The following PHACTR1 variants were observed in gnomAD, a reference collection of about 807,000 sequenced individuals.
The protein encoded by PHACTR1 is phosphatase and actin regulator 1, also known as RPEL repeat containing 1.
Under a neutral mutation model 69.2 loss-of-function variants are expected in PHACTR1, and 16 were observed. That is an observed-to-expected ratio of 0.23 (90% CI 0.16 to 0.35). The LOEUF is 0.35. PHACTR1 is among the 10% of genes least tolerant of loss of function. The probability of loss-of-function intolerance (pLI) is 1.00; values close to 1 mark genes in which losing one functional copy is unlikely to be tolerated. For missense variants in PHACTR1, 510 were observed against 734.7 expected, an observed-to-expected ratio of 0.69 and a Z score of 3.54; for synonymous variants, 312 against 284.5, an observed-to-expected ratio of 1.10 and a Z score of -0.97.
chr6:13,155,337 C>T (rs1292618963), intron 5 of PHACTR1, among the ~76,000 whole-genome samples: 2 of 152,168 alleles, frequency 1.3e-5, no homozygotes, highest in Non-Finnish European at 2.9e-5. Context: ...CCTGGGGATC[C>T]ACTATCTCAT....
intron 4 of PHACTR1, among the ~76,000 whole-genome samples, chr6:12,920,699 C>T (rs143559531): frequency 1.3e-5 from 2 of 152,240 alleles, no homozygotes; most frequent in South Asian, 2.1e-4. Context: ...TCAAAGTGCC[C>T]CTTTGAACAA....
intron 4 of PHACTR1, among the ~76,000 whole-genome samples, chr6:12,864,201 C>T (rs961574247): frequency 6.6e-6 from 1 of 152,200 alleles, no homozygotes; most frequent in East Asian, 1.9e-4. Flanking sequence ...GGTTCTCAAA[C>T]TTTTACTGCA....
intron 4 of PHACTR1, among the ~76,000 whole-genome samples, chr6:13,008,176 G>A (rs1002032630): frequency 1.3e-5 from 2 of 152,292 alleles, no homozygotes; most frequent in Admixed American, 6.5e-5. Context: ...TAAGGGAAAA[G>A]CTAAAGCCAA....
chr6:13,205,711 G>C (rs1021844353), intron 7 of PHACTR1, 104 bp from the exon 8 acceptor site: 1 of 1,114,698 alleles, frequency 9.0e-7, no homozygotes, highest in Non-Finnish European at 1.3e-6. Context: ...TACCTAAGAG[G>C]CTCAACTCAT....
chr6:13,255,015 G>C (rs559627955), intron 10 of PHACTR1, among the ~76,000 whole-genome samples: 2 of 152,308 alleles, frequency 1.3e-5, no homozygotes, highest in Admixed American at 6.5e-5. Flanking sequence ...AGAAATGCTT[G>C]AGACTGGGTA....
intron 4 of PHACTR1, among the ~76,000 whole-genome samples, chr6:12,791,335 C>G (rs1408357818): frequency 6.6e-6 from 1 of 152,104 alleles, no homozygotes; most frequent in Admixed American, 6.6e-5. Flanking sequence ...CTCCTATTTC[C>G]TGCCCTGGGA....
At position 13,086,083 on chromosome 6, in the gene PHACTR1, T is replaced by TAAAAAAA. The variant is rs776154642; in HGVS notation, c.415+32571_415+32577dup. Among the ~76,000 whole-genome samples, 306 of 60,020 alleles carry TAAAAAAA rather than the reference T, an allele frequency of 5.1e-3. 4 individuals are homozygous for TAAAAAAA. The highest frequency in any genetic ancestry group is 0.012 in the African/African-American group (142 of 11,844). The allele number at this position is 60,020 out of a possible 152,430, so 39.4% of individuals were successfully genotyped here. On this transcript the variant is annotated intron_variant, in intron 5 of 14. Transcript: ENST00000332995. ...TAAAAATAAAGAAGATACACATTTC[T>TAAAAAAA]AAAAAAAAAAAAAAAAAAAAAAAGC... is the stretch of plus-strand genomic sequence containing the variant.
chr6:13,031,095 A>C (rs1349484829), intron 4 of PHACTR1, among the ~76,000 whole-genome samples: 2 of 152,192 alleles, frequency 1.3e-5, no homozygotes, highest in Non-Finnish European at 2.9e-5. Context: ...AGAACCACTG[A>C]TGTAGATTGA....
At chr6:13,030,497 C>A (rs1442069501) in intron 4 of PHACTR1, among the ~76,000 whole-genome samples, 1 of 152,180 alleles carries the variant, frequency 6.6e-6, no homozygotes, top group Non-Finnish European at 1.5e-5. Context: ...GAGATTTTAG[C>A]ATTCAGTGTA....
At chr6:12,964,477 G>A (rs1472456403) in intron 4 of PHACTR1, among the ~76,000 whole-genome samples, 1 of 152,156 alleles carries the variant, frequency 6.6e-6, no homozygotes, top group Admixed American at 6.6e-5. Flanking sequence ...GACATTTTCA[G>A]CAAAGGAAGG....
intron 4 of PHACTR1, among the ~76,000 whole-genome samples, chr6:12,980,494 C>T (rs1045524032): frequency 2.6e-5 from 4 of 152,122 alleles, no homozygotes; most frequent in East Asian, 1.9e-4. Flanking sequence ...TCAAATAGCA[C>T]GGTGACTTGC....
intron 10 of PHACTR1, among the ~76,000 whole-genome samples, chr6:13,249,118 G>A (rs1291053345): frequency 1.3e-5 from 2 of 151,850 alleles, no homozygotes; most frequent in Non-Finnish European, 2.9e-5. Flanking sequence ...TCGTGTAGGG[G>A]TGCCCAAACC....
chr6:13,118,637 C>T (rs1583438199), intron 5 of PHACTR1, among the ~76,000 whole-genome samples: 1 of 152,154 alleles, frequency 6.6e-6, no homozygotes, highest in Admixed American at 6.5e-5. Flanking sequence ...CACAACCATG[C>T]CCAGCTAATT....
At chr6:13,064,289 A>C (rs995833825) in intron 5 of PHACTR1, among the ~76,000 whole-genome samples, 2 of 151,376 alleles carry the variant, frequency 1.3e-5, no homozygotes, top group Admixed American at 6.6e-5. Flanking sequence ...TTGATTACAG[A>C]TTGGATGTGG....
At chr6:13,193,918 A>G (rs145294862) in intron 7 of PHACTR1, among the ~76,000 whole-genome samples, 77 of 152,214 alleles carry the variant, frequency 5.1e-4, no homozygotes, top group African/African-American at 1.6e-3. Context: ...TCAACAGCAC[A>G]GTGATCAATT....
At chr6:13,189,436 T>C (rs551517012) in intron 7 of PHACTR1, among the ~76,000 whole-genome samples, 6 of 151,816 alleles carry the variant, frequency 4.0e-5, no homozygotes, top group African/African-American at 1.2e-4. Flanking sequence ...TCTCACTGTA[T>C]CTTCCAGGCT....
At position 13,019,076 on chromosome 6, in the gene PHACTR1, T is replaced by TTTC. The variant is rs1561698408; in HGVS notation, c.251-34287_251-34286insCTT. ...GAAATATATATATATATATATATATTTTTTCTTTTTCTTTTTGTAGAGACA... is the reference window on the plus strand; with the variant it reads ...GAAATATATATATATATATATATATTTTCTTTTCTTTTTCTTTTTGTAGAGACA... On this transcript the variant is annotated intron_variant, in intron 4 of 14. Coordinates refer to ENST00000332995, the MANE Select transcript of PHACTR1 (RefSeq NM_030948.6). 8.4e-3 allele frequency among the ~76,000 whole-genome samples: 1,238 copies of TTTC among 147,298 alleles called. 16 individuals carry two copies. Among genetic ancestry groups the TTTC allele is most frequent in the African/African-American group, 0.029 (1,148 of 40,096 alleles).
At chr6:12,883,372 G>C (rs1034461140) in intron 4 of PHACTR1, among the ~76,000 whole-genome samples, 11 of 151,884 alleles carry the variant, frequency 7.2e-5, no homozygotes, top group African/African-American at 2.4e-4. Context: ...CCGCCACCAC[G>C]CCCAGCTAAT....
intron 10 of PHACTR1, among the ~76,000 whole-genome samples, chr6:13,253,205 A>G (rs1774731916): frequency 6.6e-6 from 1 of 152,198 alleles, no homozygotes; most frequent in African/African-American, 2.4e-5. Flanking sequence ...AAAACACATG[A>G]GCTGCACATG....
Sources: gnomAD v4.1 joint callset for allele counts (sites outside exome capture counted in the v4.1 genomes callset) on GRCh38, gnomAD v4.1.1 for gene constraint, MANE v1.5 for transcripts, NCBI Gene and HGNC (gene_info 2026-07-23, HGNC 2026-07-21) for gene names.